CSTPP1: variants seen among roughly 807,000 people sequenced by gnomAD.
The protein encoded by CSTPP1 is centriolar satellite-associated tubulin polyglutamylase complex regulator 1.
At chr11:47,091,480 C>T in the CSTPP1 span, among the ~76,000 whole-genome samples, 3 of 152,218 alleles carry the variant, frequency 2.0e-5, no homozygotes, top group Admixed American at 6.5e-5. Context: ...TCTCAGTCTA[C>T]GTGTTTTATG....
the CSTPP1 span, among the ~76,000 whole-genome samples, chr11:46,998,157 C>T: frequency 2.6e-5 from 4 of 152,204 alleles, no homozygotes; most frequent in Non-Finnish European, 5.9e-5. Context: ...TGGAGCTGTT[C>T]CTATTCGGCC....
At chr11:47,039,396 G>T in the CSTPP1 span, among the ~76,000 whole-genome samples, 1 of 127,816 alleles carries the variant, frequency 7.8e-6, no homozygotes, top group Admixed American at 8.3e-5. Context: ...TTGGCAGGCT[G>T]AGGCAGGAGA....
chr11:47,163,860 G>A, the CSTPP1 span, among the ~76,000 whole-genome samples: 1 of 151,980 alleles, frequency 6.6e-6, no homozygotes, highest in African/African-American at 2.4e-5. Context: ...TGGCCAGGCT[G>A]GTTTCAAACT....
the CSTPP1 span, among the ~76,000 whole-genome samples, chr11:47,027,556 GA>G: frequency 6.6e-6 from 1 of 152,216 alleles, no homozygotes; most frequent in Admixed American, 6.5e-5. Flanking sequence ...AGCACTTGGT[GA>G]AGTGATCAAG....
the CSTPP1 span, among the ~76,000 whole-genome samples, chr11:47,129,994 C>G: frequency 6.6e-6 from 1 of 152,148 alleles, no homozygotes; most frequent in African/African-American, 2.4e-5. Context: ...TGCGGTGGCT[C>G]ACGCCTATAA....
chr11:47,054,994 A>T, the CSTPP1 span, among the ~76,000 whole-genome samples: 1 of 144,558 alleles, frequency 6.9e-6, no homozygotes, highest in Non-Finnish European at 1.5e-5. Context: ...AGGCAGGAAT[A>T]CAATGACACA....
At chr11:47,143,394 G>C in the CSTPP1 span, among the ~76,000 whole-genome samples, 1 of 152,170 alleles carries the variant, frequency 6.6e-6, no homozygotes, top group African/African-American at 2.4e-5. Flanking sequence ...ACTGAAGTCT[G>C]GGGACAGGCT....
chr11:47,071,944 G>T, the CSTPP1 span, among the ~76,000 whole-genome samples: 6 of 152,226 alleles, frequency 3.9e-5, no homozygotes, highest in Non-Finnish European at 8.8e-5. Context: ...TTGGGAAGTT[G>T]CATGTAGCAG....
the CSTPP1 span, among the ~76,000 whole-genome samples, chr11:47,088,368 C>A: frequency 6.6e-6 from 1 of 152,006 alleles, no homozygotes. Flanking sequence ...ACTATGAAAC[C>A]GGTGTGGGTA....
At chr11:47,042,124 C>G in the CSTPP1 span, among the ~76,000 whole-genome samples, 2 of 72,746 alleles carry the variant, frequency 2.7e-5, 1 homozygote, top group Non-Finnish European at 9.2e-5. Flanking sequence ...ATCACTTGAG[C>G]TCAGGAGTTC....
chr11:47,160,618 G>C, the CSTPP1 span: 1 of 154,346 alleles, frequency 6.5e-6, no homozygotes, highest in Non-Finnish European at 1.4e-5. Flanking sequence ...TGCCTGTGCC[G>C]GGTTAATTCT....
chr11:47,162,661 C>T, the CSTPP1 span, among the ~76,000 whole-genome samples: 9 of 152,190 alleles, frequency 5.9e-5, no homozygotes, highest in Admixed American at 3.9e-4. Context: ...CAGGTAAGGA[C>T]GAGTGTCTTC....
the CSTPP1 span, among the ~76,000 whole-genome samples, chr11:46,946,856 G>A: frequency 1.3e-5 from 2 of 152,160 alleles, no homozygotes; most frequent in South Asian, 2.1e-4. Context: ...CTAAAATCTA[G>A]CACAATGCTT....
chr11:46,940,415 A>G, the CSTPP1 span, among the ~76,000 whole-genome samples: 1 of 152,196 alleles, frequency 6.6e-6, no homozygotes, highest in Non-Finnish European at 1.5e-5. Flanking sequence ...GCATTGAAGT[A>G]CTTATAGATA....
At chr11:46,994,070 T>C in the CSTPP1 span, among the ~76,000 whole-genome samples, 1 of 152,348 alleles carries the variant, frequency 6.6e-6, no homozygotes, top group African/African-American at 2.4e-5. Context: ...ATGATTTTGC[T>C]CTCAGTTTGT....
At chr11:46,997,524 TTTG>T in the CSTPP1 span, among the ~76,000 whole-genome samples, 1 of 152,188 alleles carries the variant, frequency 6.6e-6, no homozygotes, top group Admixed American at 6.5e-5. Context: ...CTCGGAGAAG[TTTG>T]TTATTACCTA....
chr11:46,943,201 T>C, the CSTPP1 span, among the ~76,000 whole-genome samples: 1 of 152,178 alleles, frequency 6.6e-6, no homozygotes, highest in Non-Finnish European at 1.5e-5. Flanking sequence ...CCGAGACTTA[T>C]TAAGAACTTA....
At chr11:47,093,193 A>G in the CSTPP1 span, among the ~76,000 whole-genome samples, 1 of 152,202 alleles carries the variant, frequency 6.6e-6, no homozygotes, top group Non-Finnish European at 1.5e-5. Flanking sequence ...TATAAGTGTA[A>G]TAAATATAAA....
At chr11:47,121,422 T>C in the CSTPP1 span, among the ~76,000 whole-genome samples, 1 of 152,170 alleles carries the variant, frequency 6.6e-6, no homozygotes. Flanking sequence ...TGCCTATTAG[T>C]TAAGTTTTAA....
Sources: allele counts gnomAD v4.1 joint callset (sites outside exome capture counted in the v4.1 genomes callset), GRCh38; gene constraint gnomAD v4.1.1; transcripts MANE v1.5; gene names NCBI Gene and HGNC (gene_info 2026-07-23, HGNC 2026-07-21).